The following ARHGEF28 variants were observed in gnomAD, a reference collection of about 807,000 sequenced individuals.
ARHGEF28 encodes the protein Rho guanine nucleotide exchange factor 28.
Under a neutral mutation model 206.6 loss-of-function variants are expected in ARHGEF28, and 152 were observed. The observed-to-expected ratio is 0.74, with a 90% CI of 0.64 to 0.84. The LOEUF (loss-of-function observed/expected upper bound fraction) is 0.84, where lower values mean the gene tolerates loss of function less well. Among genes scored for constraint, ARHGEF28 ranks in the 40% least tolerant of loss-of-function variants. ARHGEF28 has a pLI of 0.00. For synonymous variants in ARHGEF28, 763 were observed against 776.4 expected, an observed-to-expected ratio of 0.98 and a Z score of 0.29; for missense variants, 2,028 against 2,073.2, an observed-to-expected ratio of 0.98 and a Z score of 0.42.
At chr5:73,923,068 G>A (rs1014231479) in intron 35 of ARHGEF28, 10 of 1,533,208 alleles carry the variant, frequency 6.5e-6, no homozygotes, top group East Asian at 4.9e-5. Flanking sequence ...CTGGTAATGC[G>A]GCCATATTTT....
intron 4 of ARHGEF28, among the ~76,000 whole-genome samples, chr5:73,757,245 T>C (rs894869961): frequency 6.6e-6 from 1 of 152,214 alleles, no homozygotes; most frequent in African/African-American, 2.4e-5. Context: ...GACATTATAA[T>C]GTATTAGTGG....
intron 2 of ARHGEF28, among the ~76,000 whole-genome samples, chr5:73,691,076 T>A (rs573587752): frequency 6.4e-4 from 97 of 152,046 alleles, no homozygotes; most frequent in African/African-American, 2.2e-3. Context: ...ACTAGAGGCA[T>A]GAGCCACCAC....
At chr5:73,758,626 G>GT (rs1752437762) in intron 4 of ARHGEF28, among the ~76,000 whole-genome samples, 1 of 152,086 alleles carries the variant, frequency 6.6e-6, no homozygotes, top group Non-Finnish European at 1.5e-5. Context: ...GATGATATTG[G>GT]TTCACTGTGA....
chr5:73,689,791 A>G (rs964036294), intron 2 of ARHGEF28, among the ~76,000 whole-genome samples: 1 of 150,022 alleles, frequency 6.7e-6, no homozygotes, highest in Non-Finnish European at 1.5e-5. Context: ...AAAAAAAAAA[A>G]CACCAGAGGC....
At chr5:73,923,121 A>G (rs1264064696) in intron 35 of ARHGEF28, 1 of 1,535,882 alleles carries the variant, frequency 6.5e-7, no homozygotes, top group Non-Finnish European at 8.7e-7. Flanking sequence ...GTACGTTGAC[A>G]TCTCCCCCGG....
At position 73,909,540 on chromosome 5, in the gene ARHGEF28, G is replaced by T; in HGVS notation, c.4290G>T (p.Ala1430=). ...TGCAGGACCAGAAGTCTCGCGACGC[G>T]GACAGGCAGCATGAGGAGCTGGCCA... ...GPLQDQKSRD[A]DRQHEELANV... The change falls in exon 34 of 36, where the codon GCG becomes GCT. Residue 1430 remains alanine, a synonymous_variant. Transcript: ENST00000513042. 6.3e-7 allele frequency: 1 copy of T among 1,589,354 alleles called. No homozygotes were observed. Among genetic ancestry groups the T allele is most frequent in the Non-Finnish European group, 8.6e-7 (1 of 1,167,892 alleles).
At chr5:73,706,033 G>A (rs144407462) in intron 2 of ARHGEF28, among the ~76,000 whole-genome samples, 292 of 152,316 alleles carry the variant, frequency 1.9e-3, no homozygotes, top group African/African-American at 6.9e-3. Context: ...TTACCCAGAA[G>A]GGTGGAACTT....
rs180853854 is a variant in ARHGEF28, at chr5:73,758,917, C to T, written c.475+5715C>T. On this transcript the variant is annotated intron_variant, in intron 4 of 35. Coordinates refer to ENST00000513042, the MANE Select transcript of ARHGEF28 (RefSeq NM_001177693.2). Reference sequence around the variant, plus strand: ...CAAAGTATTACCTGGCAGATTGCTTCGTCAGGTTTAAAGAGTTAAGCTTTT... The same window carrying T: ...CAAAGTATTACCTGGCAGATTGCTTTGTCAGGTTTAAAGAGTTAAGCTTTT... Among the ~76,000 whole-genome samples the T allele has an allele frequency of 3.9e-4, 59 of 152,294 alleles. 3 individuals are homozygous for T. In the East Asian group the frequency reaches 5.6e-3, roughly 14 times the overall value.
intron 16 of ARHGEF28, chr5:73,863,088 A>G (rs1021892503): frequency 1.3e-5 from 2 of 152,148 alleles, no homozygotes; most frequent in Admixed American, 1.3e-4. Flanking sequence ...ATTTATTATT[A>G]AAGTGGAAAA....
intron 2 of ARHGEF28, among the ~76,000 whole-genome samples, chr5:73,691,788 G>C (rs1455558775): frequency 1.3e-5 from 2 of 152,152 alleles, no homozygotes; most frequent in African/African-American, 4.8e-5. Context: ...TTAATGAATA[G>C]GTATGGGTCA....
chr5:73,850,259 T>C (rs1758622241), intron 13 of ARHGEF28, among the ~76,000 whole-genome samples: 2 of 152,008 alleles, frequency 1.3e-5, no homozygotes, highest in Admixed American at 1.3e-4. Flanking sequence ...ATTTTTGTTT[T>C]CCTTTTTCTG....
chr5:73,939,121 C>T (rs1742404673), intron 35 of ARHGEF28, among the ~76,000 whole-genome samples: 1 of 152,100 alleles, frequency 6.6e-6, no homozygotes, highest in Non-Finnish European at 1.5e-5. Flanking sequence ...GGAGTCATCA[C>T]GTGGCTGCCA....
Position 73,753,131 on chromosome 5 carries a change from A to G in ARHGEF28, c.404A>G (p.Glu135Gly). ...GGAGCACTGCCTGCCTTGGATGAGG[A>G]GCTCGTGCTGGCTCTGACCCATCTG... ...TAGALPALDEELVLALTHLEL... is the reference protein window; with the variant it reads ...TAGALPALDEGLVLALTHLEL... Residue 135 changes from glutamate to glycine, a missense_variant, in exon 4 of 36, where the codon GAG (glutamate) becomes GGG (glycine). By Grantham distance (98) the Glu-to-Gly change is moderately conservative. Transcript: ENST00000513042. 1 of 1,578,926 alleles carries G rather than the reference A, an allele frequency of 6.3e-7. No homozygotes were observed. Among genetic ancestry groups the G allele is most frequent in the Non-Finnish European group, 8.6e-7 (1 of 1,162,840 alleles).
intron 25 of ARHGEF28, among the ~76,000 whole-genome samples, chr5:73,886,424 AG>A (rs1761301065): frequency 6.6e-6 from 1 of 152,362 alleles, no homozygotes; most frequent in Middle Eastern, 3.4e-3. Flanking sequence ...GTGTGTTGAA[AG>A]CAAGGCAGTA....
At chr5:73,788,869 T>C (rs1754305732) in intron 7 of ARHGEF28, among the ~76,000 whole-genome samples, 1 of 152,200 alleles carries the variant, frequency 6.6e-6, no homozygotes, top group Non-Finnish European at 1.5e-5. Context: ...ATTTTGGGGC[T>C]GAGGATACTT....
At position 73,909,611 on chromosome 5, in the gene ARHGEF28, G is replaced by A; in HGVS notation, c.4361G>A (p.Trp1454Ter). Residue 1454 changes from tryptophan (W) to a stop codon, truncating the protein, a stop_gained, in exon 34 of 36, where the codon TGG becomes TAG. Coordinates refer to ENST00000513042, the MANE Select transcript of ARHGEF28 (RefSeq NM_001177693.2). LOFTEE classifies it high-confidence loss of function. ...CAGCTCCAGCAGGAGCAGCGGCGCTGGCTGCGCAGGTGTGAGCAGCAGCAG... is the reference window on the plus strand; with the variant it reads ...CAGCTCCAGCAGGAGCAGCGGCGCTAGCTGCGCAGGTGTGAGCAGCAGCAG... ...QHQLQQEQRR[W>*]LRRCEQQQRA... The A allele has an allele frequency of 6.4e-7, 1 of 1,552,898 alleles. No homozygotes were observed. Among genetic ancestry groups the A allele is most frequent in the Non-Finnish European group, 8.7e-7 (1 of 1,148,458 alleles).
intron 12 of ARHGEF28, among the ~76,000 whole-genome samples, chr5:73,847,386 G>T (rs752671147): frequency 6.6e-6 from 1 of 152,016 alleles, no homozygotes; most frequent in Non-Finnish European, 1.5e-5. Flanking sequence ...TTGGAGTTCT[G>T]TCCAGCTTTG....
At chr5:73,818,462 G>C (rs1034094498) in intron 9 of ARHGEF28, among the ~76,000 whole-genome samples, 1 of 152,122 alleles carries the variant, frequency 6.6e-6, no homozygotes, top group Admixed American at 6.5e-5. Flanking sequence ...TGAGTATTCA[G>C]TCTAAAAACT....
At chr5:73,634,938 AT>A (rs1743602960) in intron 1 of ARHGEF28, among the ~76,000 whole-genome samples, 1 of 152,170 alleles carries the variant, frequency 6.6e-6, no homozygotes, top group Admixed American at 6.5e-5. Context: ...GTATCCTTAG[AT>A]TTTTAGGAAA....
Sources: allele counts gnomAD v4.1 joint callset (sites outside exome capture counted in the v4.1 genomes callset), GRCh38; gene constraint gnomAD v4.1.1; transcripts MANE v1.5; gene names NCBI Gene and HGNC (gene_info 2026-07-23, HGNC 2026-07-21).